TEAD1: variants seen among roughly 807,000 people sequenced by gnomAD.
The protein encoded by TEAD1 is transcriptional enhancer factor TEF-1.
TEAD1 carries 9 observed loss-of-function variants against 54.9 expected under a neutral mutation model. The ratio of observed to expected loss-of-function variants is 0.16; its 90% CI spans 0.10 to 0.29. The LOEUF is 0.29. TEAD1 is among the 10% of genes least tolerant of loss of function. TEAD1 has a pLI of 1.00. For missense variants in TEAD1, 387 were observed against 535.9 expected, an observed-to-expected ratio of 0.72 and a Z score of 2.74; for synonymous variants, 200 against 187.8, an observed-to-expected ratio of 1.07 and a Z score of -0.53.
chr11:12,715,259 G>C (rs1175557447), intron 2 of TEAD1, among the ~76,000 whole-genome samples: 1 of 152,048 alleles, frequency 6.6e-6, no homozygotes, highest in African/African-American at 2.4e-5. Flanking sequence ...TCCTTCACCA[G>C]AGACAAAACC....
At chr11:12,743,903 G>C (rs761601728) in intron 2 of TEAD1, among the ~76,000 whole-genome samples, 1 of 152,182 alleles carries the variant, frequency 6.6e-6, no homozygotes, top group Admixed American at 6.5e-5. Context: ...AGGGGACAGA[G>C]CATTCACTGG....
At chr11:12,921,798 C>G (rs930557620) in intron 10 of TEAD1, among the ~76,000 whole-genome samples, 1 of 152,054 alleles carries the variant, frequency 6.6e-6, no homozygotes, top group Admixed American at 6.6e-5. Context: ...TCAGTTAGAC[C>G]CAGGGGCCTC....
intron 3 of TEAD1, among the ~76,000 whole-genome samples, chr11:12,778,595 C>A (rs1056278757): frequency 6.7e-6 from 1 of 148,720 alleles, no homozygotes; most frequent in Non-Finnish European, 1.5e-5. Context: ...TGGGTCTGTA[C>A]CCACTGAGAA....
At chr11:12,828,657 T>G (rs975405139) in intron 3 of TEAD1, among the ~76,000 whole-genome samples, 2 of 136,764 alleles carry the variant, frequency 1.5e-5, no homozygotes, top group Non-Finnish European at 3.1e-5. Context: ...AGTGTGGGTT[T>G]TTTTTTTTTT....
At chr11:12,840,440 ACCT>A (rs984601462) in intron 3 of TEAD1, among the ~76,000 whole-genome samples, 2 of 151,938 alleles carry the variant, frequency 1.3e-5, no homozygotes, top group Non-Finnish European at 2.9e-5. Flanking sequence ...GGTAAATATA[ACCT>A]CCTATAATTA....
At chr11:12,900,330 A>C (rs1334963561) in intron 9 of TEAD1, among the ~76,000 whole-genome samples, 1 of 151,952 alleles carries the variant, frequency 6.6e-6, no homozygotes, top group Non-Finnish European at 1.5e-5. Flanking sequence ...CAAAGTGCTG[A>C]TATTAAAGGC....
At chr11:12,690,158 C>T (rs772156851) in intron 2 of TEAD1, among the ~76,000 whole-genome samples, 3 of 148,764 alleles carry the variant, frequency 2.0e-5, no homozygotes, top group Non-Finnish European at 3.0e-5. Context: ...AGGAGAATGG[C>T]GTGAACCCAG....
intron 2 of TEAD1, among the ~76,000 whole-genome samples, chr11:12,722,811 A>G (rs1944238790): frequency 6.6e-6 from 1 of 152,164 alleles, no homozygotes; most frequent in Non-Finnish European, 1.5e-5. Context: ...CTGTATCTGT[A>G]ATCATATGTA....
Position 12,917,451 on chromosome 11 carries a change from G to A in TEAD1, c.874-7461G>A, listed in dbSNP as rs1056881062. Among the ~76,000 whole-genome samples the A allele has an allele frequency of 7.2e-5, 11 of 152,326 alleles. No homozygotes were observed. The South Asian group carries it at 1.0e-3, about 14-fold the overall frequency. ...TTTGTCTTGTTTTAAGGCACTAAAT[G>A]TGTGATAATTTGTAGCAGAGAAAAT... is the stretch of plus-strand genomic sequence containing the variant. On this transcript the variant is annotated intron_variant, in intron 10 of 12. Coordinates refer to ENST00000527636, the MANE Select transcript of TEAD1 (RefSeq NM_021961.6).
intron 5 of TEAD1, among the ~76,000 whole-genome samples, chr11:12,870,171 C>T (rs781077158): frequency 3.9e-5 from 6 of 152,146 alleles, no homozygotes; most frequent in East Asian, 1.9e-4. Flanking sequence ...TGAGCCACTG[C>T]GCCCAGCCGA....
At position 12,927,819 on chromosome 11, in the gene TEAD1, T is replaced by C. The variant is rs150133461; in HGVS notation, c.1015-2355T>C. ...TAGATTCGAATTAATAGAGAAAAGC[T>C]CTTGATTTTGCATATCTGTCTTCAA... On this transcript the variant is annotated intron_variant, in intron 11 of 12. Coordinates refer to ENST00000527636, the MANE Select transcript of TEAD1 (RefSeq NM_021961.6). 5.4e-3 allele frequency among the ~76,000 whole-genome samples: 817 copies of C among 152,256 alleles called. 11 individuals are homozygous for C. Among genetic ancestry groups the C allele is most frequent in the African/African-American group, 0.019 (784 of 41,584 alleles).
intron 3 of TEAD1, among the ~76,000 whole-genome samples, chr11:12,814,849 G>A (rs1021187899): frequency 4.7e-5 from 7 of 149,068 alleles, no homozygotes; most frequent in Non-Finnish European, 7.4e-5. Context: ...GTCCCCGTCC[G>A]TCCCGAGCTG....
chr11:12,739,510 C>T (rs908370749), intron 2 of TEAD1, among the ~76,000 whole-genome samples: 22 of 152,100 alleles, frequency 1.4e-4, no homozygotes, highest in Admixed American at 9.8e-4. Context: ...CTCTAGGTAC[C>T]GCATATGAGT....
intron 9 of TEAD1, among the ~76,000 whole-genome samples, chr11:12,891,938 C>T (rs531554018): frequency 8.7e-4 from 132 of 152,212 alleles, no homozygotes; most frequent in African/African-American, 3.1e-3. Flanking sequence ...GGTGTTCTGG[C>T]CCTTATCTTT....
chr11:12,892,071 CTG>C (rs1948208717), intron 9 of TEAD1, among the ~76,000 whole-genome samples: 1 of 152,230 alleles, frequency 6.6e-6, no homozygotes, highest in African/African-American at 2.4e-5. Flanking sequence ...CATGGAAGGT[CTG>C]TAAATATATC....
intron 2 of TEAD1, among the ~76,000 whole-genome samples, chr11:12,760,480 C>T (rs1945077752): frequency 6.6e-6 from 1 of 152,176 alleles, no homozygotes; most frequent in Non-Finnish European, 1.5e-5. Context: ...CTCCCTTCCT[C>T]TCCTACCTCT....
At chr11:12,724,318 C>G (rs538416185) in intron 2 of TEAD1, among the ~76,000 whole-genome samples, 1 of 152,278 alleles carries the variant, frequency 6.6e-6, no homozygotes. Context: ...GTAGAATGAT[C>G]GAGGCTCGAT....
chr11:12,759,861 CA>C (rs1157355919), intron 2 of TEAD1, among the ~76,000 whole-genome samples: 1 of 151,948 alleles, frequency 6.6e-6, no homozygotes, highest in African/African-American at 2.4e-5. Context: ...GACTCCATCT[CA>C]AAAGCAAAAA....
chr11:12,922,095 C>T (rs1047946079), intron 10 of TEAD1, among the ~76,000 whole-genome samples: 1 of 152,180 alleles, frequency 6.6e-6, no homozygotes, highest in East Asian at 1.9e-4. Flanking sequence ...CTATTAGAAG[C>T]ACCTGAGACA....
Sources: gnomAD v4.1 joint callset for allele counts (sites outside exome capture counted in the v4.1 genomes callset) on GRCh38, gnomAD v4.1.1 for gene constraint, MANE v1.5 for transcripts, NCBI Gene and HGNC (gene_info 2026-07-23, HGNC 2026-07-21) for gene names.